Variants in CPNE4 observed in about 807,000 individuals in gnomAD.
CPNE4 encodes the protein copine 4, also known as copine-4.
A neutral mutation model predicts 67.9 loss-of-function variants in CPNE4; 25 were observed. The observed-to-expected ratio is 0.37, with a 90% CI of 0.27 to 0.51. The LOEUF (loss-of-function observed/expected upper bound fraction) is 0.51, where lower values mean the gene tolerates loss of function less well. CPNE4 is among the 20% of genes least tolerant of loss of function. The probability of loss-of-function intolerance (pLI) is 0.93; values close to 1 mark genes in which losing one functional copy is unlikely to be tolerated. For missense variants in CPNE4, 464 were observed against 690.8 expected (o/e 0.67, Z 3.68); for synonymous variants, 242 against 244.9 (o/e 0.99, Z 0.11).
In CPNE4 at chr3:131,884,733, T is replaced by A. The variant is rs371220865; in HGVS notation, c.180+20531A>T. 3.6e-4 allele frequency among the ~76,000 whole-genome samples: 55 copies of A among 152,292 alleles called. 2 individuals are homozygous for A. In the South Asian group the frequency reaches 0.011, roughly 30 times the overall value. On this transcript the variant is annotated intron_variant, in intron 2 of 15. Coordinates refer to ENST00000429747, the MANE Select transcript of CPNE4 (RefSeq NM_130808.3). Reference sequence around the variant, plus strand: ...CATACTGTTCTCACGGTGGTGAACATGTCTCACAAGATCTGATGGTTTTAT... The same window carrying A: ...CATACTGTTCTCACGGTGGTGAACAAGTCTCACAAGATCTGATGGTTTTAT...
chr3:131,801,452 G>GTATGTATATA (rs2084124830), intron 2 of CPNE4, among the ~76,000 whole-genome samples: 4 of 53,384 alleles, frequency 7.5e-5, no homozygotes, highest in Non-Finnish European at 1.4e-4. Flanking sequence ...GTGTGTGTGT[G>GTATGTATATA]TATATATATA....
intron 2 of CPNE4, among the ~76,000 whole-genome samples, chr3:131,858,155 A>G (rs979080592): frequency 6.6e-6 from 1 of 152,128 alleles, no homozygotes; most frequent in Non-Finnish European, 1.5e-5. Context: ...TAAAGCTTTG[A>G]CCATGATTTG....
upstream of CPNE4, chr3:132,035,160 G>A (rs950674362): frequency 5.0e-6 from 3 of 598,528 alleles, no homozygotes; most frequent in Admixed American, 6.3e-5. Context: ...CGCTCTCCGT[G>A]GTCCTGCCGC....
intron 1 of CPNE4, among the ~76,000 whole-genome samples, chr3:132,020,622 GA>G (rs1451081969): frequency 6.6e-6 from 1 of 152,100 alleles, no homozygotes; most frequent in Non-Finnish European, 1.5e-5. Flanking sequence ...CTGGGGGATG[GA>G]AGGAGGACAA....
rs558695946 is a variant in CPNE4, at chr3:131,782,929, G to A, written c.181-59304C>T. On this transcript the variant is annotated intron_variant, in intron 2 of 15. Coordinates refer to ENST00000429747, the MANE Select transcript of CPNE4 (RefSeq NM_130808.3). The stretch of plus-strand genomic sequence containing the variant: ...GTAGGCAGTAATAAGCAAGAACCTT[G>A]TGGCCAACTCTTGAGAGGGGCTCAG... Among the ~76,000 whole-genome samples, 28 of 152,130 alleles carry A rather than the reference G, an allele frequency of 1.8e-4. 2 individuals carry two copies. In the Middle Eastern group the frequency reaches 0.031, roughly 166 times the overall value.
upstream of CPNE4, among the ~76,000 whole-genome samples, chr3:132,037,101 A>T (rs995527376): frequency 6.6e-6 from 1 of 152,240 alleles, no homozygotes; most frequent in African/African-American, 2.4e-5. Context: ...GGACCATAGA[A>T]AAGAAGTTAT....
intron 2 of CPNE4, among the ~76,000 whole-genome samples, chr3:131,757,986 T>A (rs1221076897): frequency 1.3e-5 from 2 of 152,094 alleles, no homozygotes; most frequent in Non-Finnish European, 2.9e-5. Flanking sequence ...TCAGAAGATG[T>A]ATGGAAATGC....
chr3:131,617,286 G>C (rs778920766), intron 7 of CPNE4, among the ~76,000 whole-genome samples: 1 of 152,148 alleles, frequency 6.6e-6, no homozygotes, highest in African/African-American at 2.4e-5. Context: ...TTAAAGCCTT[G>C]CTCTACCTGC....
chr3:131,971,649 A>G (rs941774540), intron 1 of CPNE4, among the ~76,000 whole-genome samples: 1 of 152,124 alleles, frequency 6.6e-6, no homozygotes, highest in African/African-American at 2.4e-5. Flanking sequence ...TACCTTTGCT[A>G]TATTCCCTGG....
At chr3:131,963,722 G>T (rs2107927510) in intron 1 of CPNE4, among the ~76,000 whole-genome samples, 1 of 152,336 alleles carries the variant, frequency 6.6e-6, no homozygotes, top group East Asian at 1.9e-4. Flanking sequence ...TGAAAGAAAG[G>T]CAGCAGCTCC....
intron 1 of CPNE4, among the ~76,000 whole-genome samples, chr3:131,999,621 C>T (rs1583579030): frequency 6.6e-6 from 1 of 151,878 alleles, no homozygotes; most frequent in African/African-American, 2.4e-5. Flanking sequence ...TGAAATGCAC[C>T]AAAATATATG....
chr3:131,677,540 T>C (rs889243613), intron 6 of CPNE4, among the ~76,000 whole-genome samples: 1 of 152,218 alleles, frequency 6.6e-6, no homozygotes, highest in Non-Finnish European at 1.5e-5. Flanking sequence ...GCCTAGGTTG[T>C]CTTCCAGGGT....
chr3:131,898,062 C>A (rs981972897), intron 2 of CPNE4, among the ~76,000 whole-genome samples: 1 of 151,954 alleles, frequency 6.6e-6, no homozygotes, highest in Non-Finnish European at 1.5e-5. Context: ...AATAAATCAT[C>A]ATTGTCATTA....
At chr3:131,660,998 A>G (rs957414406) in intron 7 of CPNE4, among the ~76,000 whole-genome samples, 1 of 152,234 alleles carries the variant, frequency 6.6e-6, no homozygotes, top group Non-Finnish European at 1.5e-5. Context: ...GATGAGCCAC[A>G]AGATAGAAGC....
chr3:131,603,090 G>A (rs1012318670), intron 7 of CPNE4, among the ~76,000 whole-genome samples: 7 of 152,058 alleles, frequency 4.6e-5, no homozygotes, highest in African/African-American at 1.7e-4. Context: ...CCACCTGTCT[G>A]TATTTTCTAG....
At position 131,780,905 on chromosome 3, in the gene CPNE4, T is replaced by TA. The variant is rs547531536; in HGVS notation, c.181-57281dup. ...AAAGCTAAACCTGTCAGCAGATCCA[T>TA]AGGGGGAGATATGGAAACAGCACCT... is the stretch of plus-strand genomic sequence containing the variant. On this transcript the variant is annotated intron_variant, in intron 2 of 15. Transcript: ENST00000429747. Among the ~76,000 whole-genome samples, 541 of 151,864 alleles carry TA rather than the reference T, an allele frequency of 3.6e-3. 5 individuals are homozygous for TA. Among genetic ancestry groups the TA allele is most frequent in the African/African-American group, 0.013 (525 of 41,412 alleles).
At position 131,880,260 on chromosome 3, in the gene CPNE4, C is replaced by G. The variant is rs1375514755; in HGVS notation, c.180+25004G>C. Among the ~76,000 whole-genome samples, 3 of 151,836 alleles carry G rather than the reference C, an allele frequency of 2.0e-5. No individual in the cohort carries two copies. In the East Asian group the frequency reaches 5.8e-4, roughly 29 times the overall value. On this transcript the variant is annotated intron_variant, in intron 2 of 15. Coordinates refer to ENST00000429747, the MANE Select transcript of CPNE4 (RefSeq NM_130808.3). ...CCTCCAAAGTAGCTGGGACTACAGG[C>G]GCCCACGACCACGCCCGGCTAATTT...
intron 14 of CPNE4, among the ~76,000 whole-genome samples, chr3:131,549,243 GAGT>G (rs750969172): frequency 2.0e-5 from 3 of 152,064 alleles, no homozygotes; most frequent in Admixed American, 6.6e-5. Context: ...GAAGATAAGG[GAGT>G]AGTATTTTTT....
rs145433807 is a variant in CPNE4, at chr3:131,966,378, G to C, written c.-1-60934C>G. ...GACAAGAAATAACCAAGACAGAGCA[G>C]AACTGAAGGAGATAGAGACACAAAA... is the stretch of plus-strand genomic sequence containing the variant. On this transcript the variant is annotated intron_variant, in intron 1 of 15. Coordinates refer to ENST00000429747, the MANE Select transcript of CPNE4 (RefSeq NM_130808.3). 4.0e-3 allele frequency among the ~76,000 whole-genome samples: 608 copies of C among 152,144 alleles called. 4 individuals are homozygous for C. Among genetic ancestry groups the C allele is most frequent in the African/African-American group, 0.014 (587 of 41,498 alleles).
Sources: allele counts gnomAD v4.1 joint callset (sites outside exome capture counted in the v4.1 genomes callset), GRCh38; gene constraint gnomAD v4.1.1; transcripts MANE v1.5; gene names NCBI Gene and HGNC (gene_info 2026-07-23, HGNC 2026-07-21).